Variants in UCK1 observed in about 807,000 individuals in gnomAD.
The protein encoded by UCK1 is cytidine monophosphokinase 1.
In UCK1, 20 loss-of-function variants were observed where a neutral mutation model predicts 34.0. That is an observed-to-expected ratio of 0.59 (90% CI 0.41 to 0.86). The LOEUF is 0.86. Among genes scored for constraint, UCK1 ranks in the 40% least tolerant of loss-of-function variants. The pLI is 0.00. For missense variants in UCK1, 343 were observed against 383.6 expected (o/e 0.89, Z 0.88); for synonymous variants, 168 against 155.9 (o/e 1.08, Z -0.58).
In UCK1 at chr9:131,525,156, G is replaced by T; in HGVS notation, c.718C>A (p.Arg240=). The T allele has an allele frequency of 6.2e-7, 1 of 1,614,082 alleles. No homozygotes were observed. The highest frequency in any genetic ancestry group is 8.5e-7 in the Non-Finnish European group (1 of 1,180,028). The part of the protein sequence containing the change: ...ILNGDICKWH[R]GGSNGRSYKR... ...TAGCTCCGCCCATTGGACCCTCCTC[G>T]GTGCCATTTGCAGATGTCACCATTC... Residue 240 remains arginine (R), a synonymous_variant, in exon 7 of 7, where the codon CGA becomes AGA. Transcript: ENST00000372215.
intron 5 of UCK1, among the ~76,000 whole-genome samples, chr9:131,528,391 C>T (rs1404921152): frequency 6.6e-6 from 1 of 152,210 alleles, no homozygotes; most frequent in African/African-American, 2.4e-5. Context: ...GGAGTTCCTG[C>T]TCTCTGCGAG....
chr9:131,526,329 A>G, intron 5 of UCK1: 3 of 1,048,998 alleles, frequency 2.9e-6, no homozygotes, highest in Non-Finnish European at 2.6e-6. Context: ...GCACTTCTAC[A>G]AAGTGTGACA....
At position 131,531,204 on chromosome 9, in the gene UCK1, C is replaced by CCGCGCCCGCCCCTTCCCCCGGCCCGG; in HGVS notation, c.-31_-30insCCGGGCCGGGGGAAGGGGCGGGCGCG. The CCGCGCCCGCCCCTTCCCCCGGCCCGG allele has an allele frequency of 7.3e-7, 1 of 1,362,182 alleles. No homozygotes were observed. The highest frequency in any genetic ancestry group is 9.4e-7 in the Non-Finnish European group (1 of 1,058,276). 84.4% of individuals were successfully genotyped at this position (1,362,182 alleles called of 1,614,324 possible). Reference sequence around the variant, plus strand: ...GCCTCCGCTCCCGCGCATCGGGTCCCCGCGCCCGCCCCTTCCCCAGGCCCG... The same window carrying CCGCGCCCGCCCCTTCCCCCGGCCCGG: ...GCCTCCGCTCCCGCGCATCGGGTCCCCGCGCCCGCCCCTTCCCCCGGCCCGGCGCGCCCGCCCCTTCCCCAGGCCCG... On this transcript the variant is annotated 5_prime_UTR_variant, in exon 1 of 7. Coordinates refer to ENST00000372215, the MANE Select transcript of UCK1 (RefSeq NM_031432.5).
In UCK1 at chr9:131,527,302, T is replaced by C. The variant is rs113550763; in HGVS notation, c.604-1325A>G. Among the ~76,000 whole-genome samples the C allele has an allele frequency of 9.3e-3, 1,417 of 151,984 alleles. 28 individuals are homozygous for C. The highest frequency in any genetic ancestry group is 0.031 in the African/African-American group (1,293 of 41,458). ...AAGATCTCACCACTGCACTTGGGCC[T>C]GGGTGGCAGAGGGAGACCCTGTCTC... On this transcript the variant is annotated intron_variant, in intron 5 of 6. Coordinates refer to ENST00000372215, the MANE Select transcript of UCK1 (RefSeq NM_031432.5).
chr9:131,526,823 C>T (rs10793886), intron 5 of UCK1, among the ~76,000 whole-genome samples: 114,260 of 152,230 alleles, frequency 0.75, 44,714 homozygotes, highest in East Asian at 0.9. Flanking sequence ...CATGAAAGCA[C>T]GAGCGCAAGG....
At chr9:131,527,183 C>T (rs1241025606) in intron 5 of UCK1, among the ~76,000 whole-genome samples, 1 of 150,470 alleles carries the variant, frequency 6.6e-6, no homozygotes, top group Non-Finnish European at 1.5e-5. Flanking sequence ...AAAAATTAGC[C>T]AGGCGTGGTG....
In UCK1 at chr9:131,530,535, T is replaced by C. The variant is rs375782281; in HGVS notation, c.219A>G (p.Ala73=). ...CTTTCAAGGCCTTGGCCTTCTGCTCTGCCGTCAGGACCTTGTAGAACCTGT... is the reference window on the plus strand; with the variant it reads ...CTTTCAAGGCCTTGGCCTTCTGCTCCGCCGTCAGGACCTTGTAGAACCTGT... ...SQDRFYKVLT[A]EQKAKALKGQ... Residue 73 remains alanine, a synonymous_variant, in exon 2 of 7, where the codon GCA becomes GCG. Transcript: ENST00000372215. 2.5e-6 allele frequency: 4 copies of C among 1,614,284 alleles called. No homozygotes were observed. Among genetic ancestry groups the C allele is most frequent in the Non-Finnish European group, 3.4e-6 (4 of 1,180,048 alleles).
At position 131,531,211 on chromosome 9, in the gene UCK1, C is replaced by T. The variant is rs1159503859; in HGVS notation, c.-37G>A. ...CTCCCGCGCATCGGGTCCCCGCGCC[C>T]GCCCCTTCCCCAGGCCCGGCGCGCC... On this transcript the variant is annotated 5_prime_UTR_variant, in exon 1 of 7. Transcript: ENST00000372215. 1 of 1,355,382 alleles carries T rather than the reference C, an allele frequency of 7.4e-7. No individual in the cohort carries two copies. Among genetic ancestry groups the T allele is most frequent in the Non-Finnish European group, 9.5e-7 (1 of 1,053,902 alleles). 84.0% of individuals were successfully genotyped at this position (1,355,382 alleles called of 1,614,324 possible).
chr9:131,526,063 G>A (rs1950594004), intron 5 of UCK1, 86 bp from the exon 6 acceptor site: 2 of 1,528,550 alleles, frequency 1.3e-6, no homozygotes, highest in South Asian at 2.2e-5. Context: ...GCAACAGCAG[G>A]AGGGGCGGCC....
At chr9:131,530,415 C>T in intron 2 of UCK1, 71 bp downstream of exon 2, 2 of 1,584,138 alleles carry the variant, frequency 1.3e-6, no homozygotes, top group Admixed American at 1.7e-5. Context: ...AACCTTGGGC[C>T]CAAGCGCAGC....
In UCK1 at chr9:131,524,803, A is replaced by ATCTT; in HGVS notation, c.*233_*236dup. On this transcript the variant is annotated 3_prime_UTR_variant, in exon 7 of 7. Transcript: ENST00000372215. ...TGGCATTTCTCAGTGACCTAGAGGG[A>ATCTT]TCTTTAAACCGCAACGAGCCTAAGT... The ATCTT allele has an allele frequency of 2.0e-6, 1 of 508,662 alleles. No homozygotes were observed. Among genetic ancestry groups the ATCTT allele is most frequent in the Non-Finnish European group, 3.5e-6 (1 of 288,212 alleles). 31.5% of individuals were successfully genotyped at this position (508,662 alleles called of 1,614,324 possible). A position where few individuals can be genotyped will look rare whatever the true frequency, so the allele number is the denominator to read the frequency against.
Position 131,531,263 on chromosome 9 carries a change from C to G in UCK1, c.-89G>C. 8.5e-7 allele frequency: 1 copy of G among 1,174,738 alleles called. No homozygotes were observed. Among genetic ancestry groups the G allele is most frequent in the Non-Finnish European group, 1.1e-6 (1 of 910,742 alleles). 72.8% of individuals were successfully genotyped at this position (1,174,738 alleles called of 1,614,324 possible). On this transcript the variant is annotated 5_prime_UTR_variant, in exon 1 of 7. Coordinates refer to ENST00000372215, the MANE Select transcript of UCK1 (RefSeq NM_031432.5). ...GCCCAGCGCCGAGGTCGGAGGCAACCGGAGCGATCACTTCCGGGAGGCGCG... is the reference window on the plus strand; with the variant it reads ...GCCCAGCGCCGAGGTCGGAGGCAACGGGAGCGATCACTTCCGGGAGGCGCG...
At chr9:131,527,187 C>T (rs1003114842) in intron 5 of UCK1, among the ~76,000 whole-genome samples, 24 of 149,742 alleles carry the variant, frequency 1.6e-4, no homozygotes, top group African/African-American at 4.4e-4. Context: ...ATTAGCCAGG[C>T]GTGGTGGTGC....
Position 131,524,711 on chromosome 9 carries a change from C to T in UCK1, c.*329G>A. On this transcript the variant is annotated 3_prime_UTR_variant, in exon 7 of 7. Coordinates refer to ENST00000372215, the MANE Select transcript of UCK1 (RefSeq NM_031432.5). Reference sequence around the variant, plus strand: ...AGGCCAGCCAGTGTCTAGGCTGTCTCCTCAATTTCCCCAATAATGTGCCTC... The same window carrying T: ...AGGCCAGCCAGTGTCTAGGCTGTCTTCTCAATTTCCCCAATAATGTGCCTC... 1 of 264,724 alleles carries T rather than the reference C, an allele frequency of 3.8e-6. No individual in the cohort carries two copies. Among genetic ancestry groups the T allele is most frequent in the Non-Finnish European group, 7.1e-6 (1 of 140,490 alleles). The allele number at this position is 264,724 out of a possible 1,614,324, so 16.4% of individuals were successfully genotyped here.
chr9:131,525,784 T>A (rs1235049684), intron 6 of UCK1, 145 bp downstream of exon 6: 3 of 877,512 alleles, frequency 3.4e-6, no homozygotes, highest in South Asian at 1.7e-5. Context: ...CATACATTTT[T>A]AAGCATATTT....
At chr9:131,528,611 C>G (rs1248573047) in intron 5 of UCK1, among the ~76,000 whole-genome samples, 2 of 152,074 alleles carry the variant, frequency 1.3e-5, no homozygotes, top group Non-Finnish European at 2.9e-5. Flanking sequence ...GTAAGTGCCC[C>G]GGAAAAAGGA....
chr9:131,527,060 G>A (rs1950634694), intron 5 of UCK1, among the ~76,000 whole-genome samples: 1 of 152,018 alleles, frequency 6.6e-6, no homozygotes, highest in Non-Finnish European at 1.5e-5. Context: ...GCTCACGCCG[G>A]TGATCCCAGC....
intron 2 of UCK1, 95 bp from the exon 3 acceptor site, chr9:131,529,679 C>G: frequency 2.7e-6 from 3 of 1,124,954 alleles, no homozygotes; most frequent in South Asian, 2.5e-5. Flanking sequence ...CAGCTGGGTG[C>G]TGGGGACACC....
chr9:131,526,031 T>A, intron 5 of UCK1, 54 bp from the exon 6 acceptor site: 1 of 1,607,324 alleles, frequency 6.2e-7, no homozygotes, highest in Admixed American at 1.7e-5. Flanking sequence ...CAAAGGTGAT[T>A]TTAAGATGCT....
Sources: allele counts gnomAD v4.1 joint callset (sites outside exome capture counted in the v4.1 genomes callset), GRCh38; gene constraint gnomAD v4.1.1; transcripts MANE v1.5; gene names NCBI Gene and HGNC (gene_info 2026-07-23, HGNC 2026-07-21).